Variants in SLC35F3 observed in about 807,000 individuals in gnomAD.
The protein encoded by SLC35F3 is putative thiamine transporter SLC35F3.
Under a neutral mutation model 49.9 loss-of-function variants are expected in SLC35F3, and 25 were observed. That is an observed-to-expected ratio of 0.50 (90% CI 0.37 to 0.70). The LOEUF (loss-of-function observed/expected upper bound fraction) is 0.70, where lower values mean the gene tolerates loss of function less well. SLC35F3 is among the 30% of genes least tolerant of loss of function. SLC35F3 has a pLI of 0.00. For synonymous variants in SLC35F3, 275 were observed against 265.4 expected (o/e 1.04, Z -0.35); for missense variants, 525 against 639.8 (o/e 0.82, Z 1.94).
At chr1:233,942,062 G>A (rs751089395) in intron 2 of SLC35F3, among the ~76,000 whole-genome samples, 2 of 150,338 alleles carry the variant, frequency 1.3e-5, no homozygotes, top group East Asian at 4.0e-4. Flanking sequence ...CCAGGTTGAA[G>A]CGATTCTCCT....
At chr1:234,123,810 A>C (rs538665802) in intron 2 of SLC35F3, among the ~76,000 whole-genome samples, 1 of 152,178 alleles carries the variant, frequency 6.6e-6, no homozygotes, top group Non-Finnish European at 1.5e-5. Flanking sequence ...TAAGAAAAGA[A>C]TCTAAAAGCC....
chr1:234,312,357 C>A (rs1167165005), intron 4 of SLC35F3, among the ~76,000 whole-genome samples: 2 of 152,200 alleles, frequency 1.3e-5, no homozygotes, highest in South Asian at 4.1e-4. Context: ...CAAACCCCAG[C>A]GGCACATTCC....
At chr1:234,131,315 A>G (rs929473962) in intron 2 of SLC35F3, among the ~76,000 whole-genome samples, 11 of 152,154 alleles carry the variant, frequency 7.2e-5, no homozygotes, top group Admixed American at 3.9e-4. Flanking sequence ...TTGCATATCT[A>G]TGTTTCTGTT....
chr1:234,318,686 T>A, intron 5 of SLC35F3, 65 bp from the exon 6 acceptor site: 1 of 1,437,494 alleles, frequency 7.0e-7, no homozygotes, highest in Non-Finnish European at 9.5e-7. Flanking sequence ...GAACTCTGCT[T>A]TGCTTACATC....
rs368482433 is a variant in SLC35F3, at chr1:233,977,684, A to G, written c.283+71926A>G. Among the ~76,000 whole-genome samples, 4 of 152,348 alleles carry G rather than the reference A, an allele frequency of 2.6e-5. No individual in the cohort carries two copies. In the East Asian group the frequency reaches 5.8e-4, roughly 22 times the overall value. ...TGAAACATTTTGGCCACTTGCTTGCATAAATTATGGCATCAAGTCTGTCTT... is the reference window on the plus strand; with the variant it reads ...TGAAACATTTTGGCCACTTGCTTGCGTAAATTATGGCATCAAGTCTGTCTT... On this transcript the variant is annotated intron_variant, in intron 2 of 7. Transcript: ENST00000366618.
intron 2 of SLC35F3, among the ~76,000 whole-genome samples, chr1:234,006,183 C>T (rs758116015): frequency 5.9e-5 from 9 of 152,176 alleles, no homozygotes; most frequent in Non-Finnish European, 1.2e-4. Context: ...CATCACTCTT[C>T]TCAAGACTCT....
At chr1:234,076,248 G>A (rs924112289) in intron 2 of SLC35F3, among the ~76,000 whole-genome samples, 2 of 149,492 alleles carry the variant, frequency 1.3e-5, no homozygotes, top group African/African-American at 4.8e-5. Context: ...TTATCAAGGT[G>A]ACAGCCCCAT....
intron 3 of SLC35F3, among the ~76,000 whole-genome samples, chr1:234,235,942 T>G (rs1045240047): frequency 1.1e-4 from 17 of 152,148 alleles, no homozygotes; most frequent in Non-Finnish European, 2.9e-5. Context: ...GTGGAGCAGT[T>G]GCAAACCGGA....
chr1:234,087,883 T>G (rs1449678047), intron 2 of SLC35F3, among the ~76,000 whole-genome samples: 1 of 152,226 alleles, frequency 6.6e-6, no homozygotes, highest in Admixed American at 6.5e-5. Flanking sequence ...TTCTTCTGCC[T>G]GCACTGCACC....
At chr1:234,197,691 A>C (rs1227214559) in intron 2 of SLC35F3, among the ~76,000 whole-genome samples, 1 of 152,262 alleles carries the variant, frequency 6.6e-6, no homozygotes, top group East Asian at 1.9e-4. Context: ...CTCAGCCCTC[A>C]AGCCTGCTCT....
intron 2 of SLC35F3, among the ~76,000 whole-genome samples, chr1:234,055,101 T>C (rs972847122): frequency 2.0e-5 from 3 of 152,182 alleles, no homozygotes; most frequent in African/African-American, 7.2e-5. Context: ...AGGGACCCAC[T>C]TGAGGAGGCA....
At chr1:234,270,253 A>G (rs1370948838) in intron 3 of SLC35F3, among the ~76,000 whole-genome samples, 1 of 152,150 alleles carries the variant, frequency 6.6e-6, no homozygotes, top group Non-Finnish European at 1.5e-5. Flanking sequence ...CCCTGCCTCA[A>G]TTCCTCCCAC....
chr1:233,985,909 G>A (rs1024271514), intron 2 of SLC35F3, among the ~76,000 whole-genome samples: 1 of 152,190 alleles, frequency 6.6e-6, no homozygotes, highest in Non-Finnish European at 1.5e-5. Context: ...TAGCTTTTAA[G>A]TGTCTTCCTT....
intron 2 of SLC35F3, among the ~76,000 whole-genome samples, chr1:233,968,062 G>T (rs1174227763): frequency 6.6e-6 from 1 of 152,198 alleles, no homozygotes; most frequent in African/African-American, 2.4e-5. Flanking sequence ...GGAGGGATCT[G>T]CACAGTGGGT....
chr1:234,249,292 A>G (rs189157962), intron 3 of SLC35F3, among the ~76,000 whole-genome samples: 12 of 152,154 alleles, frequency 7.9e-5, no homozygotes, highest in Non-Finnish European at 1.8e-4. Flanking sequence ...ACACATATCT[A>G]GCTTCTTTCA....
At chr1:234,116,835 G>A (rs1665495388) in intron 2 of SLC35F3, among the ~76,000 whole-genome samples, 1 of 152,124 alleles carries the variant, frequency 6.6e-6, no homozygotes, top group African/African-American at 2.4e-5. Flanking sequence ...TTAAGCTGGG[G>A]GTTTTGTTCT....
intron 2 of SLC35F3, among the ~76,000 whole-genome samples, chr1:233,923,367 C>G (rs569167923): frequency 6.6e-6 from 1 of 152,234 alleles, no homozygotes; most frequent in East Asian, 1.9e-4. Flanking sequence ...CCTTCACATC[C>G]CTGTAAGTTG....
chr1:233,905,207 G>A (rs1419317374), intron 1 of SLC35F3, 77 bp downstream of exon 1: 5 of 1,476,174 alleles, frequency 3.4e-6, no homozygotes, highest in Non-Finnish European at 4.6e-6. Flanking sequence ...TTTGCAGCTG[G>A]GACACTGGGC....
chr1:233,957,612 C>T lies in SLC35F3; in HGVS notation c.283+51854C>T, dbSNP rs566093891. 5.9e-5 allele frequency among the ~76,000 whole-genome samples: 9 copies of T among 152,112 alleles called. No homozygotes were observed. The highest frequency in any genetic ancestry group is 3.9e-4 in the Admixed American group (6 of 15,278). On this transcript the variant is annotated intron_variant, in intron 2 of 7. Coordinates refer to ENST00000366618, the MANE Select transcript of SLC35F3 (RefSeq NM_173508.4). The surrounding 1 kb of genome is among the most constrained non-coding windows in gnomAD (Gnocchi z 4.0). ...GGTGGATCACCTGAAGTCAGGAGTT[C>T]GAGACCAGCCTGGCCAACACGGTGA...
Sources: allele counts gnomAD v4.1 joint callset (sites outside exome capture counted in the v4.1 genomes callset), GRCh38; gene constraint gnomAD v4.1.1; non-coding constraint Gnocchi (gnomAD v3.1); transcripts MANE v1.5; gene names NCBI Gene and HGNC (gene_info 2026-07-23, HGNC 2026-07-21).